Variants in PTPRK observed in about 807,000 individuals in gnomAD.
PTPRK encodes the protein protein tyrosine phosphatase receptor type K.
A neutral mutation model predicts 178.0 loss-of-function variants in PTPRK; 75 were observed. The observed-to-expected ratio is 0.42, with a 90% CI of 0.35 to 0.51. The LOEUF (loss-of-function observed/expected upper bound fraction) is 0.51, where lower values mean the gene tolerates loss of function less well. PTPRK is among the 20% of genes least tolerant of loss of function. The pLI, the probability that PTPRK is intolerant of heterozygous loss-of-function variation, is 0.02. For missense variants in PTPRK, 1,441 were observed against 1,797.8 expected (o/e 0.80, Z 3.59); for synonymous variants, 637 against 620.6 (o/e 1.03, Z -0.39).
At chr6:128,270,523 C>T (rs1231202856) in intron 3 of PTPRK, among the ~76,000 whole-genome samples, 1 of 152,042 alleles carries the variant, frequency 6.6e-6, no homozygotes, top group Non-Finnish European at 1.5e-5. Context: ...CTAATTAGTA[C>T]ACATTGAATA....
chr6:128,241,271 C>T (rs571671089), intron 4 of PTPRK: 7 of 533,358 alleles, frequency 1.3e-5, no homozygotes, highest in South Asian at 9.8e-5. Flanking sequence ...AGAACATGAA[C>T]TAAAGCAGCA....
intron 7 of PTPRK, among the ~76,000 whole-genome samples, chr6:128,167,153 G>GA (rs67217010): frequency 4.0e-5 from 6 of 149,514 alleles, no homozygotes; most frequent in South Asian, 2.1e-4. Flanking sequence ...CACATGAACA[G>GA]AAAAAAAAAT....
chr6:128,136,307 GA>G (rs1197980795), intron 7 of PTPRK, among the ~76,000 whole-genome samples: 9 of 152,142 alleles, frequency 5.9e-5, no homozygotes, highest in Admixed American at 5.9e-4. Context: ...ATCAAAAAAT[GA>G]AGAAATAAAA....
At chr6:128,161,051 C>T (rs1452737518) in intron 7 of PTPRK, among the ~76,000 whole-genome samples, 5 of 151,526 alleles carry the variant, frequency 3.3e-5, no homozygotes, top group Non-Finnish European at 7.4e-5. Context: ...TCTCTTCCAC[C>T]TCTATTCTTT....
rs751056165 is a variant in PTPRK, at chr6:128,184,547, T to C, written c.1047A>G (p.Lys349=). 7 of 1,613,980 alleles carry C rather than the reference T, an allele frequency of 4.3e-6. 1 individual carries two copies. In the South Asian group the frequency reaches 6.6e-5, roughly 15 times the overall value. The change falls in exon 7 of 30, where the codon AAA becomes AAG. Residue 349 remains lysine, a synonymous_variant. Transcript: ENST00000368226. ...CGGTATCTGGATCTAAATGCCATAA[T>C]TTGTAAGTTGGAGCATTGACTGCAT... ...ETHAVNAPTY[K]LWHLDPDTEY...
At chr6:128,237,010 T>G (rs1262471294) in intron 5 of PTPRK, among the ~76,000 whole-genome samples, 1 of 152,212 alleles carries the variant, frequency 6.6e-6, no homozygotes, top group Non-Finnish European at 1.5e-5. Context: ...CAAAAACGAC[T>G]GATATATTAA....
intron 1 of PTPRK, among the ~76,000 whole-genome samples, chr6:128,414,699 T>A (rs528829698): frequency 1.3e-5 from 2 of 152,232 alleles, no homozygotes; most frequent in Non-Finnish European, 2.9e-5. Flanking sequence ...ACAGAATATG[T>A]GAAACCAAAT....
At chr6:128,492,090 G>A (rs1270512460) in intron 1 of PTPRK, among the ~76,000 whole-genome samples, 1 of 152,074 alleles carries the variant, frequency 6.6e-6, no homozygotes, top group African/African-American at 2.4e-5. Flanking sequence ...TAACACCCAA[G>A]GGTTTCATGA....
In PTPRK at chr6:128,027,475, TA is replaced by T. The variant is rs572418844; in HGVS notation, c.2195-18208del. On this transcript the variant is annotated intron_variant, in intron 13 of 29. Transcript: ENST00000368226. ...GGTGCCTAAAAGTCAAACTGACCTT[TA>T]AAAAAAAAATGTTCATAGCTTCCTC... 1.6e-4 allele frequency among the ~76,000 whole-genome samples: 24 copies of T among 149,838 alleles called. No individual in the cohort carries two copies. In the South Asian group the frequency reaches 3.2e-3, roughly 20 times the overall value.
intron 7 of PTPRK, among the ~76,000 whole-genome samples, chr6:128,128,418 A>G (rs898100043): frequency 2.0e-5 from 3 of 152,180 alleles, no homozygotes; most frequent in Non-Finnish European, 2.9e-5. Context: ...TTGGTTTACC[A>G]AAACCACTCC....
intron 1 of PTPRK, among the ~76,000 whole-genome samples, chr6:128,503,844 G>T (rs1231440019): frequency 1.5e-5 from 1 of 64,884 alleles, no homozygotes; most frequent in African/African-American, 6.0e-5. Context: ...GGTTATTATT[G>T]TGTGTGTGTG....
chr6:128,393,481 G>A (rs1468427338), intron 2 of PTPRK, among the ~76,000 whole-genome samples: 1 of 152,090 alleles, frequency 6.6e-6, no homozygotes, highest in Non-Finnish European at 1.5e-5. Context: ...TAGTACAGTG[G>A]GCCGCATCTT....
intron 18 of PTPRK, among the ~76,000 whole-genome samples, chr6:127,994,211 T>C (rs1171034532): frequency 1.3e-5 from 2 of 151,730 alleles, no homozygotes; most frequent in Non-Finnish European, 3.0e-5. Flanking sequence ...ACCTAATAAA[T>C]GTAATGAAAA....
intron 1 of PTPRK, among the ~76,000 whole-genome samples, chr6:128,434,962 T>TGCAG (rs373811894): frequency 1.2e-3 from 178 of 150,062 alleles, no homozygotes; most frequent in Middle Eastern, 3.4e-3. Flanking sequence ...AGGTCAAGGT[T>TGCAG]GCAGGCAGGC....
chr6:128,100,250 A>C (rs1788568019), intron 7 of PTPRK, among the ~76,000 whole-genome samples: 1 of 152,052 alleles, frequency 6.6e-6, no homozygotes, highest in Admixed American at 6.5e-5. Context: ...GAACTCCTTC[A>C]CTTCTACCTG....
intron 13 of PTPRK, among the ~76,000 whole-genome samples, chr6:128,031,128 A>C (rs754856764): frequency 6.6e-6 from 1 of 152,240 alleles, no homozygotes; most frequent in Non-Finnish European, 1.5e-5. Flanking sequence ...GAGAGCACAG[A>C]CACAGTAGCT....
chr6:128,479,114 G>T (rs1191908684), intron 1 of PTPRK, among the ~76,000 whole-genome samples: 1 of 151,972 alleles, frequency 6.6e-6, no homozygotes, highest in Non-Finnish European at 1.5e-5. Flanking sequence ...TTGAAAAAAG[G>T]GTGCTTAATG....
rs550345209 is a variant in PTPRK, at chr6:127,976,685, C to T, written c.3941G>A (p.Arg1314Gln). ...TGTTAGATTGCATATCCTAAAAATC[C>T]GGTTGATCACATCACAGTCCATTGA... ...SCSMDCDVIN[R>Q]IFRICNLTRP... Residue 1314 changes from arginine (R) to glutamine (Q), a missense_variant, in exon 27 of 30, where the codon CGG becomes CAG. Physicochemically the swap from Arg to Gln is conservative, Grantham distance 43. This residue lies in a region of PTPRK where 335 missense variants were observed against 512.4 expected (regional missense o/e 0.65). Coordinates refer to ENST00000368226, the MANE Select transcript of PTPRK (RefSeq NM_002844.4). 8.1e-6 allele frequency: 13 copies of T among 1,613,934 alleles called. No homozygotes were observed. The highest frequency in any genetic ancestry group is 1.3e-5 in the African/African-American group (1 of 74,990).
chr6:128,222,753 C>T (rs1810641455), intron 5 of PTPRK, among the ~76,000 whole-genome samples: 1 of 152,192 alleles, frequency 6.6e-6, no homozygotes. Flanking sequence ...ATTGTTTATG[C>T]ATTGCCAATA....
Sources: allele counts gnomAD v4.1 joint callset (sites outside exome capture counted in the v4.1 genomes callset), GRCh38; gene constraint gnomAD v4.1.1; regional missense constraint gnomAD v4.1.1; transcripts MANE v1.5; gene names NCBI Gene and HGNC (gene_info 2026-07-23, HGNC 2026-07-21).